The following CEP63 variants were observed in gnomAD, a reference collection of about 807,000 sequenced individuals.
CEP63 encodes the protein centrosomal protein of 63 kDa.
Under a neutral mutation model 89.1 loss-of-function variants are expected in CEP63, and 84 were observed. The ratio of observed to expected loss-of-function variants is 0.94; its 90% CI spans 0.79 to 1.13. The LOEUF is 1.13. CEP63 is among the 50% of genes most tolerant of loss of function. The probability of loss-of-function intolerance (pLI) is 0.00; values close to 1 mark genes in which losing one functional copy is unlikely to be tolerated. For missense variants in CEP63, 838 were observed against 813.3 expected, an observed-to-expected ratio of 1.03 and a Z score of -0.37; for synonymous variants, 267 against 272.5, an observed-to-expected ratio of 0.98 and a Z score of 0.20.
chr3:134,596,277 C>G, the CEP63 span, among the ~76,000 whole-genome samples: 1 of 152,336 alleles, frequency 6.6e-6, no homozygotes, highest in East Asian at 1.9e-4. Context: ...CCCACCTTTA[C>G]AGGCAGGGTG....
chr3:134,687,902 G>A, the CEP63 span, among the ~76,000 whole-genome samples: 1 of 152,296 alleles, frequency 6.6e-6, no homozygotes, highest in South Asian at 2.1e-4. Context: ...AAATGAAACA[G>A]GAAGACAATA....
Position 134,561,368 on chromosome 3 carries a change from C to T in CEP63, c.1954-9C>T, listed in dbSNP as rs776351369. On this transcript the variant is annotated splice_polypyrimidine_tract_variant and intron_variant, in intron 14 of 14. Transcript: ENST00000675561. ...TATTTACACATGTCAAAATTTGTGT[C>T]TCTTCCAGTGTTCCTTGCCTGTATC... is the stretch of plus-strand genomic sequence containing the variant. 2 of 1,612,582 alleles carry T rather than the reference C, an allele frequency of 1.2e-6. No individual in the cohort carries two copies. Among genetic ancestry groups the T allele is most frequent in the South Asian group, 2.2e-5 (2 of 91,054 alleles).
At chr3:134,571,801 G>A (rs760706495) in intron 11 of CEP63, among the ~76,000 whole-genome samples, 5 of 152,188 alleles carry the variant, frequency 3.3e-5, no homozygotes, top group Admixed American at 2.6e-4. Flanking sequence ...AGTATTATAT[G>A]CACTTCTTTG....
chr3:134,734,618 C>T, the CEP63 span, among the ~76,000 whole-genome samples: 2 of 152,104 alleles, frequency 1.3e-5, no homozygotes, highest in South Asian at 4.1e-4. Flanking sequence ...TTAGACAAAA[C>T]TGTCAATTTA....
chr3:134,697,117 G>A, the CEP63 span, among the ~76,000 whole-genome samples: 1 of 152,222 alleles, frequency 6.6e-6, no homozygotes, highest in African/African-American at 2.4e-5. Flanking sequence ...ATTATTGAGA[G>A]TGGGAAAAGG....
the CEP63 span, among the ~76,000 whole-genome samples, chr3:134,706,400 A>G: frequency 6.6e-6 from 1 of 152,160 alleles, no homozygotes; most frequent in Non-Finnish European, 1.5e-5. Flanking sequence ...CAAAATGGGT[A>G]TGTTTGGACT....
At chr3:134,557,576 C>CCT (rs1253980737) in intron 12 of CEP63, among the ~76,000 whole-genome samples, 2 of 151,612 alleles carry the variant, frequency 1.3e-5, no homozygotes, top group Non-Finnish European at 2.9e-5. Flanking sequence ...ATTTATGATA[C>CCT]CAGATCAGAA....
chr3:134,582,653 C>T (rs907345317), intron 10 of CEP63, among the ~76,000 whole-genome samples: 9 of 152,136 alleles, frequency 5.9e-5, no homozygotes, highest in Non-Finnish European at 1.2e-4. Flanking sequence ...GTGCATGAGT[C>T]TTTATAGTAG....
At chr3:134,575,378 TCCCTCCC>T, downstream of CEP63, among the ~76,000 whole-genome samples, 1 of 34,832 alleles carries the variant, frequency 2.9e-5, no homozygotes, top group Non-Finnish European at 5.4e-5. Flanking sequence ...CCTCCCTCCC[TCCCTCCC>T]TCCCTTTTTT....
the CEP63 span, among the ~76,000 whole-genome samples, chr3:134,677,002 G>A: frequency 6.6e-6 from 1 of 152,194 alleles, no homozygotes. Context: ...TTGGGAGGCC[G>A]AGGCAGGTGG....
chr3:134,532,535 G>A (rs373575256), intron 4 of CEP63, among the ~76,000 whole-genome samples: 52 of 152,098 alleles, frequency 3.4e-4, no homozygotes, highest in African/African-American at 1.2e-3. Context: ...TAAGTGCAGG[G>A]CTATTGTAAT....
the CEP63 span, among the ~76,000 whole-genome samples, chr3:134,700,874 C>T: frequency 6.6e-4 from 100 of 152,194 alleles, no homozygotes; most frequent in Non-Finnish European, 5.4e-4. Context: ...TTCTTGGCTC[C>T]CCTCCCATCA....
the CEP63 span, among the ~76,000 whole-genome samples, chr3:134,665,785 A>T: frequency 6.6e-6 from 1 of 152,074 alleles, no homozygotes; most frequent in South Asian, 2.1e-4. Context: ...ACAGAGACAT[A>T]GGGACAGACA....
the CEP63 span, among the ~76,000 whole-genome samples, chr3:134,725,217 G>C: frequency 6.6e-6 from 1 of 152,050 alleles, no homozygotes; most frequent in Non-Finnish European, 1.5e-5. Context: ...ATTGATATTT[G>C]TCATCAAATT....
the CEP63 span, among the ~76,000 whole-genome samples, chr3:134,777,308 C>T: frequency 6.6e-6 from 1 of 152,312 alleles, no homozygotes; most frequent in East Asian, 1.9e-4. Context: ...ATACTTTAGA[C>T]TCTTTGTGAA....
chr3:134,734,014 G>A, the CEP63 span, among the ~76,000 whole-genome samples: 1 of 152,116 alleles, frequency 6.6e-6, no homozygotes, highest in Non-Finnish European at 1.5e-5. Flanking sequence ...TGTCCTTGAG[G>A]TATTAGCCAA....
the CEP63 span, among the ~76,000 whole-genome samples, chr3:134,635,351 G>T: frequency 6.6e-6 from 1 of 152,022 alleles, no homozygotes; most frequent in Non-Finnish European, 1.5e-5. Flanking sequence ...ACAAAGATTA[G>T]CTGGGCATGG....
intron 5 of CEP63, among the ~76,000 whole-genome samples, 164 bp downstream of exon 5, chr3:134,533,064 A>C (rs1189140531): frequency 6.6e-6 from 1 of 152,212 alleles, no homozygotes; most frequent in Non-Finnish European, 1.5e-5. Context: ...TCCTATCATC[A>C]TCTAGTTCCC....
chr3:134,640,538 C>G, the CEP63 span, among the ~76,000 whole-genome samples: 2 of 152,272 alleles, frequency 1.3e-5, no homozygotes, highest in South Asian at 4.2e-4. Flanking sequence ...TGTGATAGAG[C>G]TTCCAAGAAG....
Sources: gnomAD v4.1 joint callset for allele counts (sites outside exome capture counted in the v4.1 genomes callset) on GRCh38, gnomAD v4.1.1 for gene constraint, MANE v1.5 for transcripts, NCBI Gene and HGNC (gene_info 2026-07-23, HGNC 2026-07-21) for gene names.